Variants in RALYL observed in about 807,000 individuals in gnomAD.
RALYL encodes the protein RALY RNA binding protein like.
RALYL carries 29 observed loss-of-function variants against 35.1 expected under a neutral mutation model. The ratio of observed to expected loss-of-function variants is 0.83; its 90% CI spans 0.61 to 1.13. RALYL has a LOEUF of 1.13. RALYL is among the 50% of genes most tolerant of loss of function. The pLI, the probability that RALYL is intolerant of heterozygous loss-of-function variation, is 0.00. For missense variants in RALYL, 359 were observed against 360.4 expected (o/e 1.00, Z 0.03); for synonymous variants, 120 against 127.6 (o/e 0.94, Z 0.40).
rs917909271 is a variant in RALYL, at chr8:84,421,980, T to G, written c.-23-107319T>G. Among the ~76,000 whole-genome samples the G allele has an allele frequency of 1.0e-3, 157 of 152,202 alleles. 1 individual carries two copies. The highest frequency in any genetic ancestry group is 0.01 in the Middle Eastern group (3 of 294). The stretch of plus-strand genomic sequence containing the variant: ...TTTTATTGAGGATTTTTGCATCAAT[T>G]TTCATCAAGGTTATTGGTCTAAAAT... On this transcript the variant is annotated intron_variant, in intron 1 of 8. Transcript: ENST00000521268.
intron 1 of RALYL, among the ~76,000 whole-genome samples, chr8:84,487,339 T>G (rs929418530): frequency 8.5e-5 from 13 of 152,098 alleles, no homozygotes; most frequent in Admixed American, 4.6e-4. Flanking sequence ...GGTAGGCCAC[T>G]GAATTTTGAG....
At chr8:84,578,111 G>T (rs981748878) in intron 2 of RALYL, among the ~76,000 whole-genome samples, 1 of 152,220 alleles carries the variant, frequency 6.6e-6, no homozygotes, top group Admixed American at 6.5e-5. Flanking sequence ...GCACAGAGTG[G>T]CAAGGGGTGC....
At chr8:84,783,784 A>G (rs1263593882) in intron 3 of RALYL, among the ~76,000 whole-genome samples, 1 of 152,170 alleles carries the variant, frequency 6.6e-6, no homozygotes, top group Admixed American at 6.5e-5. Context: ...GTAAATCCCC[A>G]AATCAAAAGG....
At chr8:84,363,372 C>A (rs1033967990) in intron 1 of RALYL, among the ~76,000 whole-genome samples, 6 of 152,102 alleles carry the variant, frequency 3.9e-5, no homozygotes, top group Non-Finnish European at 8.8e-5. Flanking sequence ...GATTAACTAC[C>A]AGTTTGGCTG....
chr8:84,887,532 T>C (rs1843094538), intron 7 of RALYL, 72 bp from the exon 8 acceptor site: 7 of 1,406,416 alleles, frequency 5.0e-6, no homozygotes, highest in East Asian at 2.3e-5. Flanking sequence ...TCATGGACTG[T>C]TTTTTCATGG....
In RALYL at chr8:84,310,972, G is replaced by A. The variant is rs372642097; in HGVS notation, c.-24+126548G>A. On this transcript the variant is annotated intron_variant, in intron 1 of 8. Transcript: ENST00000521268. The stretch of plus-strand genomic sequence containing the variant: ...TGAGGCAGGAGAATGGCGTGAACCC[G>A]GGAAGCGGAGCTTGCAGTGAGCCGA... Among the ~76,000 whole-genome samples the A allele has an allele frequency of 9.9e-3, 1,342 of 135,832 alleles. 30 individuals carry two copies. Among genetic ancestry groups the A allele is most frequent in the Middle Eastern group, 0.019 (5 of 268 alleles). The allele number at this position is 135,832 out of a possible 152,430, so 89.1% of individuals were successfully genotyped here.
At chr8:84,891,064 G>T (rs184237277) in intron 8 of RALYL, among the ~76,000 whole-genome samples, 83 of 152,274 alleles carry the variant, frequency 5.5e-4, no homozygotes, top group African/African-American at 1.9e-3. Flanking sequence ...TTCAGAGGTG[G>T]ACAGTTTAAG....
At chr8:84,619,333 T>G (rs969743644) in intron 2 of RALYL, among the ~76,000 whole-genome samples, 3 of 151,492 alleles carry the variant, frequency 2.0e-5, no homozygotes, top group Non-Finnish European at 4.4e-5. Context: ...AATTGATCCC[T>G]TTACCATTAT....
chr8:84,460,492 T>C (rs769181986), intron 1 of RALYL, among the ~76,000 whole-genome samples: 2 of 151,546 alleles, frequency 1.3e-5, no homozygotes, highest in Non-Finnish European at 3.0e-5. Context: ...TAAAAAGAAA[T>C]GCAAAAACTC....
intron 1 of RALYL, among the ~76,000 whole-genome samples, chr8:84,201,237 A>T (rs1484982700): frequency 7.7e-6 from 1 of 129,956 alleles, no homozygotes; most frequent in Admixed American, 7.6e-5. Context: ...AATTTATAGA[A>T]TGTTAATCTG....
chr8:84,904,311 A>AATTC (rs2135590664), intron 8 of RALYL, among the ~76,000 whole-genome samples: 1 of 152,314 alleles, frequency 6.6e-6, no homozygotes, highest in African/African-American at 2.4e-5. Context: ...ATAAGGTAGA[A>AATTC]ATATGAGCAC....
intron 1 of RALYL, among the ~76,000 whole-genome samples, chr8:84,400,147 G>T (rs1315223357): frequency 6.6e-6 from 1 of 152,054 alleles, no homozygotes; most frequent in Admixed American, 6.6e-5. Context: ...GGGACCAGAA[G>T]TGTGTCATTT....
intron 1 of RALYL, among the ~76,000 whole-genome samples, chr8:84,425,229 C>T (rs1184603219): frequency 6.6e-6 from 1 of 152,130 alleles, no homozygotes; most frequent in Non-Finnish European, 1.5e-5. Context: ...CCCTCCGAGC[C>T]AGGTGTGGGA....
intron 2 of RALYL, among the ~76,000 whole-genome samples, chr8:84,654,437 A>G (rs1053795494): frequency 5.3e-5 from 8 of 151,264 alleles, no homozygotes; most frequent in Non-Finnish European, 1.2e-4. Flanking sequence ...TTGTATTACA[A>G]ACAATCCAAT....
chr8:84,296,140 AG>A (rs1380851308), intron 1 of RALYL, among the ~76,000 whole-genome samples: 1 of 152,128 alleles, frequency 6.6e-6, no homozygotes, highest in Non-Finnish European at 1.5e-5. Context: ...ATGTCTATGT[AG>A]TAGAAGATTT....
chr8:84,790,260 A>G (rs1382327889), intron 3 of RALYL, among the ~76,000 whole-genome samples: 3 of 152,250 alleles, frequency 2.0e-5, no homozygotes, highest in Non-Finnish European at 4.4e-5. Flanking sequence ...GAGCCAAGAC[A>G]GCCAAATTTT....
At chr8:84,674,341 C>G (rs1040322317) in intron 2 of RALYL, among the ~76,000 whole-genome samples, 2 of 152,138 alleles carry the variant, frequency 1.3e-5, no homozygotes, top group Non-Finnish European at 2.9e-5. Context: ...TTAACTTCCT[C>G]TCTTTGTATT....
intron 2 of RALYL, among the ~76,000 whole-genome samples, chr8:84,539,878 G>GTA (rs371459024): frequency 0.01 from 767 of 75,134 alleles, 14 homozygotes; most frequent in African/African-American, 0.039. Context: ...ATATATATAT[G>GTA]TATATATATG....
intron 2 of RALYL, among the ~76,000 whole-genome samples, chr8:84,664,776 G>A (rs566072978): frequency 3.2e-4 from 48 of 152,112 alleles, no homozygotes; most frequent in Non-Finnish European, 5.9e-4. Flanking sequence ...CTACAAACAG[G>A]GATGGTTTGA....
Sources: gnomAD v4.1 joint callset for allele counts (sites outside exome capture counted in the v4.1 genomes callset) on GRCh38, gnomAD v4.1.1 for gene constraint, MANE v1.5 for transcripts, NCBI Gene and HGNC (gene_info 2026-07-23, HGNC 2026-07-21) for gene names.